Variants in SLC35F4 observed in about 807,000 individuals in gnomAD.
SLC35F4 encodes solute carrier family 35 member F4, also known as chromosome 14 open reading frame 36.
SLC35F4 carries 24 observed loss-of-function variants against 44.2 expected under a neutral mutation model. The observed-to-expected ratio is 0.54, with a 90% CI of 0.39 to 0.76. The LOEUF (loss-of-function observed/expected upper bound fraction) is 0.76. Among genes scored for constraint, SLC35F4 ranks in the 30% least tolerant of loss-of-function variants. The pLI, the probability that SLC35F4 is intolerant of heterozygous loss-of-function variation, is 0.00. For synonymous variants in SLC35F4, 238 were observed against 223.6 expected (o/e 1.06, Z -0.57); for missense variants, 562 against 586.1 (o/e 0.96, Z 0.42).
intron 1 of SLC35F4, among the ~76,000 whole-genome samples, chr14:57,712,069 A>G (rs1388173564): frequency 1.3e-5 from 2 of 152,348 alleles, no homozygotes; most frequent in African/African-American, 2.4e-5. Context: ...ATTATTGTCA[A>G]TTGTCTCTAC....
intron 1 of SLC35F4, among the ~76,000 whole-genome samples, chr14:57,623,964 AG>A (rs2140103522): frequency 6.6e-6 from 1 of 152,332 alleles, no homozygotes. Context: ...GCAGAACTGA[AG>A]GAGATAGAGA....
intron 1 of SLC35F4, among the ~76,000 whole-genome samples, chr14:57,616,478 A>G (rs2071836206): frequency 6.6e-6 from 1 of 152,236 alleles, no homozygotes; most frequent in Non-Finnish European, 1.5e-5. Flanking sequence ...AAAAAGCACA[A>G]GAGGATTCTT....
At chr14:57,978,550 T>A (rs1881284034) in intron 1 of SLC35F4, among the ~76,000 whole-genome samples, 1 of 152,196 alleles carries the variant, frequency 6.6e-6, no homozygotes, top group Non-Finnish European at 1.5e-5. Flanking sequence ...ATGGTATACA[T>A]GGCTTGTTAA....
chr14:57,797,538 A>G (rs578070663), intron 1 of SLC35F4, among the ~76,000 whole-genome samples: 37 of 152,336 alleles, frequency 2.4e-4, no homozygotes, highest in African/African-American at 8.4e-4. Context: ...CTGTAAAATA[A>G]TAGAATTAAA....
At chr14:57,586,741 A>T (rs2069761308) in intron 3 of SLC35F4, among the ~76,000 whole-genome samples, 1 of 147,406 alleles carries the variant, frequency 6.8e-6, no homozygotes, top group Non-Finnish European at 1.5e-5. Context: ...AAAAAAAAAA[A>T]AAAAAAGACT....
chr14:57,800,353 T>A (rs1392345741), intron 1 of SLC35F4, among the ~76,000 whole-genome samples: 2 of 152,102 alleles, frequency 1.3e-5, no homozygotes, highest in African/African-American at 4.8e-5. Flanking sequence ...AGAAACATCA[T>A]TCAAATGTCG....
intron 1 of SLC35F4, among the ~76,000 whole-genome samples, chr14:57,731,386 T>G (rs1048475404): frequency 3.9e-5 from 6 of 152,242 alleles, no homozygotes; most frequent in Non-Finnish European, 8.8e-5. Flanking sequence ...CTCTGATTGC[T>G]TTTGTGGAAT....
chr14:57,766,261 G>T (rs1481506668), intron 1 of SLC35F4, among the ~76,000 whole-genome samples: 1 of 152,222 alleles, frequency 6.6e-6, no homozygotes, highest in Non-Finnish European at 1.5e-5. Flanking sequence ...GCTTCAGTTT[G>T]TGTAGTAACT....
chr14:57,683,221 G>A (rs1239575146), intron 1 of SLC35F4, among the ~76,000 whole-genome samples: 1 of 152,112 alleles, frequency 6.6e-6, no homozygotes, highest in African/African-American at 2.4e-5. Flanking sequence ...GAGCAGAAAG[G>A]AATGTACATC....
intron 1 of SLC35F4, among the ~76,000 whole-genome samples, chr14:57,829,508 C>T (rs1263698070): frequency 6.6e-6 from 1 of 152,148 alleles, no homozygotes; most frequent in Non-Finnish European, 1.5e-5. Flanking sequence ...CAAAGCAGGT[C>T]TAAAACGCTG....
At chr14:57,824,844 T>C (rs1883554808) in intron 1 of SLC35F4, among the ~76,000 whole-genome samples, 1 of 152,152 alleles carries the variant, frequency 6.6e-6, no homozygotes, top group South Asian at 2.1e-4. Context: ...GTAAGGATTA[T>C]GGATTTTACA....
chr14:57,841,012 A>G (rs1290439612), intron 1 of SLC35F4, among the ~76,000 whole-genome samples: 4 of 152,196 alleles, frequency 2.6e-5, no homozygotes, highest in African/African-American at 9.7e-5. Context: ...ACTCTTTCAG[A>G]CACTGACAGT....
At chr14:57,967,235 A>G (rs1880900422) in intron 1 of SLC35F4, among the ~76,000 whole-genome samples, 1 of 151,646 alleles carries the variant, frequency 6.6e-6, no homozygotes, top group South Asian at 2.1e-4. Context: ...GAAATTTTTA[A>G]TTGTGTAAGT....
At chr14:57,798,988 A>T (rs2078121784) in intron 1 of SLC35F4, among the ~76,000 whole-genome samples, 1 of 152,212 alleles carries the variant, frequency 6.6e-6, no homozygotes, top group Non-Finnish European at 1.5e-5. Flanking sequence ...AGAATTATGT[A>T]GCCAATTAAA....
upstream of SLC35F4, among the ~76,000 whole-genome samples, chr14:57,870,156 G>C (rs10131552): frequency 0.13 from 19,667 of 150,930 alleles, 2,355 homozygotes; most frequent in African/African-American, 0.32. Flanking sequence ...GTGTGTGTGT[G>C]TCTGTGTCTC....
chr14:57,575,619 CT>C (rs1218285133), intron 4 of SLC35F4, among the ~76,000 whole-genome samples: 1 of 152,258 alleles, frequency 6.6e-6, no homozygotes, highest in Admixed American at 6.5e-5. Context: ...CCTCTCTGCC[CT>C]CACACATTGT....
chr14:57,639,872 G>A (rs570433850), intron 1 of SLC35F4, among the ~76,000 whole-genome samples: 1 of 152,096 alleles, frequency 6.6e-6, no homozygotes, highest in South Asian at 2.1e-4. Flanking sequence ...GGGCTGATCT[G>A]TCCAGGATAA....
intron 1 of SLC35F4, among the ~76,000 whole-genome samples, chr14:57,832,312 A>G (rs745360510): frequency 2.6e-5 from 4 of 152,152 alleles, no homozygotes; most frequent in Admixed American, 6.6e-5. Context: ...CTGCCTTCAG[A>G]TAAATTATTA....
At chr14:57,754,022 T>G (rs1207225804) in intron 1 of SLC35F4, among the ~76,000 whole-genome samples, 3 of 151,624 alleles carry the variant, frequency 2.0e-5, no homozygotes, top group Non-Finnish European at 4.4e-5. Context: ...TTAGTCCAAT[T>G]ACCAGGACAA....
Sources: allele counts gnomAD v4.1 joint callset (sites outside exome capture counted in the v4.1 genomes callset), GRCh38; gene constraint gnomAD v4.1.1; transcripts MANE v1.5; gene names NCBI Gene and HGNC (gene_info 2026-07-23, HGNC 2026-07-21).